Variants in ERAP1 observed in about 807,000 individuals in gnomAD.
The protein encoded by ERAP1 is adipocyte-derived leucine aminopeptidase.
A neutral mutation model predicts 103.7 loss-of-function variants in ERAP1; 86 were observed. The ratio of observed to expected loss-of-function variants is 0.83; its 90% CI spans 0.70 to 0.99. ERAP1 has a LOEUF of 0.99. Among genes scored for constraint, ERAP1 ranks in the 50% least tolerant of loss-of-function variants. The probability of loss-of-function intolerance (pLI) is 0.00; values close to 1 mark genes in which losing one functional copy is unlikely to be tolerated. For missense variants in ERAP1, 1,009 were observed against 1,128.4 expected (o/e 0.89, Z 1.52); for synonymous variants, 398 against 402.4 (o/e 0.99, Z 0.13).
chr5:96,907,171 TTA>T, the ERAP1 span, among the ~76,000 whole-genome samples: 6 of 152,228 alleles, frequency 3.9e-5, no homozygotes, highest in African/African-American at 1.4e-4. Flanking sequence ...AGGTTTATGT[TTA>T]TATATGTTTT....
chr5:96,869,162 T>C, the ERAP1 span, among the ~76,000 whole-genome samples: 1 of 151,638 alleles, frequency 6.6e-6, no homozygotes, highest in Non-Finnish European at 1.5e-5. Flanking sequence ...AATGCATAGC[T>C]AGGGTTACAC....
At chr5:96,782,274 G>C (rs1220576008) in intron 15 of ERAP1, among the ~76,000 whole-genome samples, 1 of 152,068 alleles carries the variant, frequency 6.6e-6, no homozygotes, top group Non-Finnish European at 1.5e-5. Flanking sequence ...CTCCCAAAGT[G>C]CTGGGATTAC....
At position 96,781,754 on chromosome 5, in the gene ERAP1, T is replaced by C. The variant is rs1363226734; in HGVS notation, c.2386A>G (p.Thr796Ala). ...YSKYQFSLSS[T>A]EKSQIEFALC... The stretch of plus-strand genomic sequence containing the variant: ...GCAAATTCAATTTGGCTTTTCTCAG[T>C]ACTGGACAAAGAAAACTGATATTTA... Residue 796 changes from threonine to alanine, a missense_variant, in exon 16 of 19, where the codon ACT becomes GCT. Transcript: ENST00000443439. 6.2e-7 allele frequency: 1 copy of C among 1,614,210 alleles called. No individual in the cohort carries two copies. Among genetic ancestry groups the C allele is most frequent in the South Asian group, 1.1e-5 (1 of 91,078 alleles).
At chr5:96,799,322 GA>G (rs1398247026) in intron 3 of ERAP1, among the ~76,000 whole-genome samples, 1 of 152,134 alleles carries the variant, frequency 6.6e-6, no homozygotes, top group East Asian at 1.9e-4. Context: ...GATCTTTTGA[GA>G]CCCCATTGTT....
chr5:96,784,081 C>G lies in ERAP1; in HGVS notation c.1944-1G>C, dbSNP rs144931442. 3.3e-5 allele frequency: 53 copies of G among 1,614,036 alleles called. No homozygotes were observed. In the African/African-American group the frequency reaches 6.4e-4, roughly 19 times the overall value. ...CTTTTCAATGGACAGCTTCCCAATG[C>G]TGACCAAGAGACACTGTGGTTAGTG... On this transcript the variant is annotated splice_acceptor_variant, in intron 13 of 18. Coordinates refer to ENST00000443439, the MANE Select transcript of ERAP1 (RefSeq NM_001040458.3). LOFTEE classifies it high-confidence loss of function.
At chr5:96,771,507 TGAA>T (rs1772308432), downstream of ERAP1, 10 of 604,022 alleles carry the variant, frequency 1.7e-5, no homozygotes, top group Admixed American at 3.0e-5. Context: ...TGTGGCCAGA[TGAA>T]GAAGAGAAAC....
chr5:96,806,396 T>C (rs1778595438), intron 1 of ERAP1, among the ~76,000 whole-genome samples: 1 of 152,172 alleles, frequency 6.6e-6, no homozygotes, highest in East Asian at 1.9e-4. Context: ...CTTAAAGGAA[T>C]AGAAGCCAAG....
the ERAP1 span, among the ~76,000 whole-genome samples, chr5:96,933,439 T>C: frequency 6.6e-6 from 1 of 152,122 alleles, no homozygotes; most frequent in Non-Finnish European, 1.5e-5. Flanking sequence ...AAATGGTCCT[T>C]CATGTCTTTG....
chr5:96,859,097 ACACACACACT>A, the ERAP1 span, among the ~76,000 whole-genome samples: 1 of 136,526 alleles, frequency 7.3e-6, no homozygotes, highest in African/African-American at 2.9e-5. Flanking sequence ...ACACACACAC[ACACACACACT>A]GAACAACAGA....
intron 3 of ERAP1, among the ~76,000 whole-genome samples, chr5:96,800,453 T>C (rs898319697): frequency 1.3e-5 from 2 of 152,236 alleles, no homozygotes; most frequent in African/African-American, 4.8e-5. Context: ...ATATAGTATA[T>C]GTAACTTAGA....
the ERAP1 span, chr5:96,912,538 C>A: frequency 1.4e-6 from 1 of 730,338 alleles, no homozygotes; most frequent in Non-Finnish European, 2.2e-6. Flanking sequence ...GTACTGAAAG[C>A]AGTTCAGAGA....
chr5:96,892,739 A>G, the ERAP1 span, among the ~76,000 whole-genome samples: 60 of 152,304 alleles, frequency 3.9e-4, no homozygotes, highest in Non-Finnish European at 5.1e-4. Context: ...GACTATACAG[A>G]CACATGAAGC....
At chr5:96,763,642 G>A (rs1345098421) in intron 19 of ERAP1, among the ~76,000 whole-genome samples, 2 of 152,150 alleles carry the variant, frequency 1.3e-5, no homozygotes, top group Non-Finnish European at 2.9e-5. Flanking sequence ...CTAAAACAAG[G>A]TATAAAGCTT....
At chr5:96,868,231 T>G in the ERAP1 span, among the ~76,000 whole-genome samples, 2 of 152,208 alleles carry the variant, frequency 1.3e-5, no homozygotes, top group African/African-American at 4.8e-5. Context: ...CTCCCTTCTA[T>G]GACCTGCTGC....
At chr5:96,840,689 T>C in the ERAP1 span, among the ~76,000 whole-genome samples, 4 of 148,536 alleles carry the variant, frequency 2.7e-5, no homozygotes, top group Admixed American at 2.1e-4. Context: ...GACTCAGGCA[T>C]TGGACTTTTT....
chr5:96,788,483 G>A lies in ERAP1; in HGVS notation c.1679+48C>T, dbSNP rs994439996. ...CAAAAGCAAGGTTCCATCCTACAAG[G>A]CAGATGTTACCTAGACAACAAAACA... is the stretch of plus-strand genomic sequence containing the variant. On this transcript the variant is annotated intron_variant, in intron 11 of 18. Coordinates refer to ENST00000443439, the MANE Select transcript of ERAP1 (RefSeq NM_001040458.3). 3 of 1,606,108 alleles carry A rather than the reference G, an allele frequency of 1.9e-6. No individual in the cohort carries two copies. The Admixed American group carries it at 5.0e-5, about 27-fold the overall frequency.
Position 96,792,063 on chromosome 5 carries a change from T to C in ERAP1, c.1318A>G (p.Lys440Glu), listed in dbSNP as rs372779997. The change falls in exon 8 of 19, where the codon AAG becomes GAG. Residue 440 changes from lysine (K) to glutamate (E), a missense_variant and splice_region_variant. Transcript: ENST00000443439. Reference protein sequence around the residue: ...REMFDDVSYDKGACILNMLRE... With the variant: ...REMFDDVSYDEGACILNMLRE... ...CCTTATACTCAATCTACTTTTACCT[T>C]ATCATAAGAAACATCATCAAACATC... 4 of 1,613,994 alleles carry C rather than the reference T, an allele frequency of 2.5e-6. No homozygotes were observed. The highest frequency in any genetic ancestry group is 2.5e-6 in the Non-Finnish European group (3 of 1,179,866).
the ERAP1 span, among the ~76,000 whole-genome samples, chr5:96,881,988 G>A: frequency 1.3e-5 from 2 of 151,862 alleles, no homozygotes; most frequent in East Asian, 3.9e-4. Flanking sequence ...TGGGTATCAG[G>A]AAGTGACTAG....
chr5:96,878,127 C>T, the ERAP1 span, among the ~76,000 whole-genome samples: 13 of 152,050 alleles, frequency 8.5e-5, no homozygotes, highest in Admixed American at 4.6e-4. Context: ...TAGCTTTACC[C>T]TTCAAAAAGA....
Sources: gnomAD v4.1 joint callset for allele counts (sites outside exome capture counted in the v4.1 genomes callset) on GRCh38, gnomAD v4.1.1 for gene constraint, MANE v1.5 for transcripts, NCBI Gene and HGNC (gene_info 2026-07-23, HGNC 2026-07-21) for gene names.